The following WWOX variants were observed in gnomAD, a reference collection of about 807,000 sequenced individuals.
WWOX encodes WW domain-containing oxidoreductase.
A neutral mutation model predicts 46.2 loss-of-function variants in WWOX; 69 were observed. That is an observed-to-expected ratio of 1.49 (90% CI 1.23 to 1.82). The LOEUF is 1.82. Among genes scored for constraint, WWOX ranks in the 40% most tolerant of loss-of-function variants. WWOX has a pLI of 0.00. For missense variants in WWOX, 919 were observed against 542.6 expected (o/e 1.69, Z -6.89); for synonymous variants, 359 against 202.6 (o/e 1.77, Z -6.56).
intron 4 of WWOX, among the ~76,000 whole-genome samples, chr16:78,148,829 C>T (rs926918829): frequency 1.6e-5 from 2 of 124,124 alleles, no homozygotes; most frequent in Non-Finnish European, 3.2e-5. Flanking sequence ...ACCTGGGAGG[C>T]GGAGCTTGCA....
chr16:78,888,560 T>C (rs752843048), intron 8 of WWOX, among the ~76,000 whole-genome samples: 2 of 152,266 alleles, frequency 1.3e-5, no homozygotes, highest in Non-Finnish European at 1.5e-5. Flanking sequence ...AAGACGGCTT[T>C]TGTTTGTTAG....
At chr16:78,661,764 C>T (rs2047219257) in intron 8 of WWOX, among the ~76,000 whole-genome samples, 3 of 152,204 alleles carry the variant, frequency 2.0e-5, no homozygotes, top group Admixed American at 2.0e-4. Context: ...AGACTGGGTA[C>T]AATGGCTGAC....
intron 6 of WWOX, among the ~76,000 whole-genome samples, chr16:78,399,783 A>T (rs905250562): frequency 6.6e-6 from 1 of 152,082 alleles, no homozygotes; most frequent in Non-Finnish European, 1.5e-5. Context: ...TCACTTTGGA[A>T]TCTACACTTA....
At chr16:78,219,626 G>T (rs545552053) in intron 5 of WWOX, among the ~76,000 whole-genome samples, 2 of 152,096 alleles carry the variant, frequency 1.3e-5, no homozygotes, top group East Asian at 3.9e-4. Flanking sequence ...TCAGTTTTGC[G>T]AATGAACAGT....
intron 8 of WWOX, among the ~76,000 whole-genome samples, chr16:79,183,984 T>C (rs368419160): frequency 4.6e-5 from 7 of 152,230 alleles, no homozygotes; most frequent in African/African-American, 7.2e-5. Context: ...CTTGTCACTT[T>C]CTCAACTCTC....
chr16:78,428,534 A>T (rs1243623485), intron 7 of WWOX, among the ~76,000 whole-genome samples: 1 of 152,146 alleles, frequency 6.6e-6, no homozygotes, highest in Non-Finnish European at 1.5e-5. Context: ...TCCATCTTGA[A>T]ACTGTCCTTC....
chr16:78,662,742 G>A (rs550847986), intron 8 of WWOX, among the ~76,000 whole-genome samples: 1 of 152,284 alleles, frequency 6.6e-6, no homozygotes, highest in East Asian at 1.9e-4. Context: ...GCTGGATTCG[G>A]GAAGGATCCA....
At chr16:78,970,855 C>T (rs1448357175) in intron 8 of WWOX, among the ~76,000 whole-genome samples, 1 of 152,042 alleles carries the variant, frequency 6.6e-6, no homozygotes, top group African/African-American at 2.4e-5. Flanking sequence ...TGGCTTCAGG[C>T]ACGGCTGGAT....
intron 8 of WWOX, among the ~76,000 whole-genome samples, chr16:78,763,659 C>A (rs1029922120): frequency 6.6e-6 from 1 of 152,204 alleles, no homozygotes; most frequent in Non-Finnish European, 1.5e-5. Context: ...TAGTACAGTG[C>A]CCTGAACATA....
rs141430619 is a variant in WWOX, at chr16:78,218,639, A to C, written c.516+54350A>C. ...TTAATGACAGGCACATCAAGGTTTT[A>C]ACGTGTTCTCTAGATTTATGATGTG... On this transcript the variant is annotated intron_variant, in intron 5 of 8. Coordinates refer to ENST00000566780, the MANE Select transcript of WWOX (RefSeq NM_016373.4). Among the ~76,000 whole-genome samples the C allele has an allele frequency of 1.6e-3, 239 of 152,358 alleles. 1 individual carries two copies. The highest frequency in any genetic ancestry group is 5.2e-3 in the African/African-American group (217 of 41,590).
chr16:78,403,417 C>G (rs1469926942), intron 6 of WWOX, among the ~76,000 whole-genome samples: 3 of 152,146 alleles, frequency 2.0e-5, no homozygotes, highest in African/African-American at 7.2e-5. Flanking sequence ...TTTATGCATC[C>G]ATGATACTGC....
chr16:78,589,747 T>C (rs1008345304), intron 8 of WWOX, among the ~76,000 whole-genome samples: 1 of 152,192 alleles, frequency 6.6e-6, no homozygotes, highest in Non-Finnish European at 1.5e-5. Flanking sequence ...TTACCTTCTT[T>C]TGGTTTCTTC....
chr16:78,370,600 A>T (rs1466615994), intron 5 of WWOX, among the ~76,000 whole-genome samples: 1 of 151,850 alleles, frequency 6.6e-6, no homozygotes, highest in Admixed American at 6.6e-5. Flanking sequence ...ATTCTGTCTT[A>T]TTTATTTTTT....
chr16:79,143,931 G>T (rs1486471248), intron 8 of WWOX, among the ~76,000 whole-genome samples: 1 of 152,132 alleles, frequency 6.6e-6, no homozygotes, highest in Non-Finnish European at 1.5e-5. Context: ...TTGAGACTGG[G>T]TCTTGCTATG....
intron 8 of WWOX, among the ~76,000 whole-genome samples, chr16:78,712,500 T>TAA (rs558436380): frequency 7.2e-5 from 10 of 138,712 alleles, no homozygotes; most frequent in African/African-American, 2.1e-4. Context: ...GACTCCATCT[T>TAA]AAAAAAAAAA....
chr16:78,736,639 C>G (rs1354898594), intron 8 of WWOX, among the ~76,000 whole-genome samples: 1 of 151,944 alleles, frequency 6.6e-6, no homozygotes, highest in African/African-American at 2.4e-5. Flanking sequence ...TCTCTTTCCC[C>G]CAGGCTACAG....
chr16:79,131,523 G>C (rs1047936454), intron 8 of WWOX, among the ~76,000 whole-genome samples: 6 of 152,168 alleles, frequency 3.9e-5, no homozygotes, highest in African/African-American at 7.2e-5. Context: ...GGAAAGTTGA[G>C]AGTTGAGTGC....
chr16:78,630,847 G>C (rs2046411288), intron 8 of WWOX, among the ~76,000 whole-genome samples: 1 of 149,906 alleles, frequency 6.7e-6, no homozygotes, highest in Non-Finnish European at 1.5e-5. Flanking sequence ...AATACTGGGT[G>C]AATGAACGAA....
At chr16:78,810,933 C>T (rs8052915) in intron 8 of WWOX, among the ~76,000 whole-genome samples, 86,927 of 152,058 alleles carry the variant, frequency 0.57, 25,236 homozygotes, top group Middle Eastern at 0.64. Context: ...TTAGAAAATA[C>T]TGCAGGCAGA....
Sources: gnomAD v4.1 joint callset for allele counts (sites outside exome capture counted in the v4.1 genomes callset) on GRCh38, gnomAD v4.1.1 for gene constraint, MANE v1.5 for transcripts, NCBI Gene and HGNC (gene_info 2026-07-23, HGNC 2026-07-21) for gene names.